BBS9: variants seen among roughly 807,000 people sequenced by gnomAD.
BBS9 encodes the protein Bardet-Biedl syndrome 9.
BBS9 carries 89 observed loss-of-function variants against 117.7 expected under a neutral mutation model. The ratio of observed to expected loss-of-function variants is 0.76; its 90% CI spans 0.64 to 0.90. The LOEUF is 0.90. Ranked by LOEUF, BBS9 falls within the 40% of genes least tolerant of loss-of-function variation. BBS9 has a pLI of 0.00. For missense variants in BBS9, 982 were observed against 1,042.2 expected, an observed-to-expected ratio of 0.94 and a Z score of 0.80; for synonymous variants, 379 against 370.9, an observed-to-expected ratio of 1.02 and a Z score of -0.25.
At chr7:33,407,510 C>G (rs916108749) in intron 19 of BBS9, among the ~76,000 whole-genome samples, 1 of 152,286 alleles carries the variant, frequency 6.6e-6, no homozygotes, top group South Asian at 2.1e-4. Flanking sequence ...GAGAGGCGCT[C>G]TGCTTTTTAG....
intron 16 of BBS9, among the ~76,000 whole-genome samples, chr7:33,363,030 A>G (rs764386666): frequency 2.0e-5 from 3 of 152,054 alleles, no homozygotes; most frequent in Non-Finnish European, 2.9e-5. Flanking sequence ...ATATATCCCT[A>G]TTTCATATAT....
chr7:33,470,148 G>T (rs1840777873), intron 19 of BBS9, among the ~76,000 whole-genome samples: 1 of 152,130 alleles, frequency 6.6e-6, no homozygotes, highest in Non-Finnish European at 1.5e-5. Context: ...TCCTCAAGAA[G>T]TGCTTATTGT....
At chr7:33,310,705 G>T (rs1051112834) in intron 9 of BBS9, among the ~76,000 whole-genome samples, 3 of 152,216 alleles carry the variant, frequency 2.0e-5, no homozygotes, top group Non-Finnish European at 4.4e-5. Flanking sequence ...ACCGGAGCAG[G>T]AAGTGTTGTT....
intron 20 of BBS9, among the ~76,000 whole-genome samples, chr7:33,530,670 G>A (rs1299179533): frequency 6.6e-6 from 1 of 152,114 alleles, no homozygotes; most frequent in African/African-American, 2.4e-5. Flanking sequence ...TTAGATTTTG[G>A]TAGTAGTAAA....
intron 9 of BBS9, among the ~76,000 whole-genome samples, chr7:33,316,008 T>C (rs1017398496): frequency 6.6e-6 from 1 of 152,168 alleles, no homozygotes; most frequent in Admixed American, 6.5e-5. Context: ...ACCTTAACTA[T>C]GCACTTTTGA....
At chr7:33,251,588 A>C (rs530829581) in intron 5 of BBS9, among the ~76,000 whole-genome samples, 1 of 152,372 alleles carries the variant, frequency 6.6e-6, no homozygotes, top group African/African-American at 2.4e-5. Flanking sequence ...ATGCATCATC[A>C]TGATGTGTGT....
chr7:33,253,671 C>T (rs1300501385), intron 5 of BBS9, among the ~76,000 whole-genome samples: 1 of 152,138 alleles, frequency 6.6e-6, no homozygotes, highest in Non-Finnish European at 1.5e-5. Flanking sequence ...ATAAAGGAGT[C>T]TAGGGCTGAT....
chr7:33,613,369 C>T (rs577604676), intron 21 of BBS9, among the ~76,000 whole-genome samples: 3 of 152,022 alleles, frequency 2.0e-5, no homozygotes, highest in Non-Finnish European at 4.4e-5. Flanking sequence ...CTTTTATAAC[C>T]GTGAAATTCC....
intron 19 of BBS9, among the ~76,000 whole-genome samples, chr7:33,388,415 G>T (rs75600120): frequency 0.028 from 4,277 of 152,172 alleles, 195 homozygotes; most frequent in African/African-American, 0.092. Context: ...AATCTTTTAT[G>T]TAAAGCAACA....
chr7:33,533,175 C>A lies in BBS9; in HGVS notation c.2299-779C>A, dbSNP rs532071441. On this transcript the variant is annotated intron_variant, in intron 20 of 22. Transcript: ENST00000242067. The stretch of plus-strand genomic sequence containing the variant: ...TGAACCCACCTGAGGGTGGTGCCTC[C>A]CCATGCCAGTCCTGCTGGTGCCAGT... Among the ~76,000 whole-genome samples, 76 of 152,298 alleles carry A rather than the reference C, an allele frequency of 5.0e-4. 1 individual carries two copies. Among genetic ancestry groups the A allele is most frequent in the African/African-American group, 1.7e-3 (72 of 41,574 alleles).
At chr7:33,297,403 G>T (rs1458188943) in intron 9 of BBS9, among the ~76,000 whole-genome samples, 1 of 152,130 alleles carries the variant, frequency 6.6e-6, no homozygotes, top group Non-Finnish European at 1.5e-5. Flanking sequence ...AGAATATAAG[G>T]AAGCATTTCT....
At chr7:33,236,744 C>T (rs1339493688) in intron 5 of BBS9, among the ~76,000 whole-genome samples, 1 of 151,910 alleles carries the variant, frequency 6.6e-6, no homozygotes, top group African/African-American at 2.4e-5. Flanking sequence ...TTAACATATC[C>T]TTCACCTTAT....
At chr7:33,556,718 T>G (rs1478316295) in intron 21 of BBS9, among the ~76,000 whole-genome samples, 1 of 152,186 alleles carries the variant, frequency 6.6e-6, no homozygotes, top group Non-Finnish European at 1.5e-5. Flanking sequence ...AGGTGTCAAT[T>G]TGCTGGAGTC....
chr7:33,400,390 G>A (rs2128788294), intron 19 of BBS9, among the ~76,000 whole-genome samples: 1 of 152,228 alleles, frequency 6.6e-6, no homozygotes, highest in South Asian at 2.1e-4. Context: ...ATCTGTAATT[G>A]TATGAGGATT....
In BBS9 at chr7:33,317,074, A is replaced by T. The variant is rs567856845; in HGVS notation, c.1017-19367A>T. ...GTGAGGCTTATTTTTTTCCAAATGG[A>T]TATCCAATTGCTCCAACACTATTTA... On this transcript the variant is annotated intron_variant, in intron 9 of 22. Transcript: ENST00000242067. Among the ~76,000 whole-genome samples the T allele has an allele frequency of 6.6e-5, 10 of 152,260 alleles. No individual in the cohort carries two copies. The East Asian group carries it at 1.9e-3, about 29-fold the overall frequency.
In BBS9 at chr7:33,349,112, A is replaced by G. The variant is rs757890844; in HGVS notation, c.1374A>G (p.Ser458=). The change falls in exon 13 of 23, where the codon TCA becomes TCG. Residue 458 remains serine (S), a synonymous_variant. Coordinates refer to ENST00000242067, the MANE Select transcript of BBS9 (RefSeq NM_198428.3). The part of the protein sequence containing the change: ...NRVILQKAKL[S]VYVQPPLELT... ...TGATATTGCAAAAAGCCAAATTATCAGTCTACGTGCAACCACCATTAGAAT... is the reference window on the plus strand; with the variant it reads ...TGATATTGCAAAAAGCCAAATTATCGGTCTACGTGCAACCACCATTAGAAT... 3.1e-6 allele frequency: 5 copies of G among 1,613,482 alleles called. No homozygotes were observed. Among genetic ancestry groups the G allele is most frequent in the Non-Finnish European group, 4.2e-6 (5 of 1,179,546 alleles).
At chr7:33,543,224 T>G (rs1250090493) in intron 21 of BBS9, among the ~76,000 whole-genome samples, 2 of 152,234 alleles carry the variant, frequency 1.3e-5, no homozygotes, top group African/African-American at 4.8e-5. Context: ...ATGTTGACCA[T>G]TTTTTCATAG....
intron 16 of BBS9, among the ~76,000 whole-genome samples, chr7:33,366,865 C>G (rs1390504427): frequency 6.6e-6 from 1 of 152,032 alleles, no homozygotes; most frequent in Non-Finnish European, 1.5e-5. Flanking sequence ...TTCTCTGTCA[C>G]TTTGTCTGTA....
chr7:33,536,681 T>TCCCCCCGCCCCCTGCCTTCCCCCCG (rs1563323310), intron 21 of BBS9, among the ~76,000 whole-genome samples: 1 of 44,208 alleles, frequency 2.3e-5, no homozygotes, highest in African/African-American at 9.4e-5. Context: ...GATTCGGCCT[T>TCCCCCCGCCCCCTGCCTTCCCCCCG]CCCCCCGCCC....
Sources: gnomAD v4.1 joint callset for allele counts (sites outside exome capture counted in the v4.1 genomes callset) on GRCh38, gnomAD v4.1.1 for gene constraint, MANE v1.5 for transcripts, NCBI Gene and HGNC (gene_info 2026-07-23, HGNC 2026-07-21) for gene names.